Variants in CDH22 observed in about 807,000 individuals in gnomAD.
The protein encoded by CDH22 is cadherin-22.
In CDH22, 30 loss-of-function variants were observed where a neutral mutation model predicts 58.4. The observed-to-expected ratio is 0.51, with a 90% CI of 0.38 to 0.70. CDH22 has a LOEUF of 0.70. Among genes scored for constraint, CDH22 ranks in the 30% least tolerant of loss-of-function variants. The pLI, the probability that CDH22 is intolerant of heterozygous loss-of-function variation, is 0.00. For missense variants in CDH22, 1,014 were observed against 1,233.9 expected, an observed-to-expected ratio of 0.82 and a Z score of 2.67; for synonymous variants, 513 against 558.2, an observed-to-expected ratio of 0.92 and a Z score of 1.14.
rs189864696 is a variant in CDH22, at chr20:46,234,764, T to C, written c.550+6199A>G. Reference sequence around the variant, plus strand: ...AAGGCTGAATGAGATCTTAGACTCCTTCTCAATACAGCCCAACAGTCACTA... The same window carrying C: ...AAGGCTGAATGAGATCTTAGACTCCCTCTCAATACAGCCCAACAGTCACTA... On this transcript the variant is annotated intron_variant, in intron 3 of 11. Transcript: ENST00000537909. 3.3e-5 allele frequency among the ~76,000 whole-genome samples: 5 copies of C among 152,344 alleles called. No individual in the cohort carries two copies. The East Asian group carries it at 7.7e-4, about 23-fold the overall frequency.
In CDH22 at chr20:46,240,960, C is replaced by T; in HGVS notation, c.550+3G>A. 2 of 1,608,742 alleles carry T rather than the reference C, an allele frequency of 1.2e-6. No homozygotes were observed. The highest frequency in any genetic ancestry group is 1.1e-5 in the South Asian group (1 of 90,796). On this transcript the variant is annotated splice_donor_region_variant and intron_variant, in intron 3 of 11. Transcript: ENST00000537909. ...TCCCCCACCCCCAGGGCCCACAGCCCACCTGTAGGTGAGAGCTCGGCCACG... is the reference window on the plus strand; with the variant it reads ...TCCCCCACCCCCAGGGCCCACAGCCTACCTGTAGGTGAGAGCTCGGCCACG...
chr20:46,264,697 G>A (rs1001381806), intron 1 of CDH22, among the ~76,000 whole-genome samples: 5 of 152,080 alleles, frequency 3.3e-5, no homozygotes, highest in South Asian at 4.1e-4. Context: ...ACAGGCCTGC[G>A]TTTGGCTCTC....
chr20:46,183,402 T>A (rs2085802474), intron 10 of CDH22, among the ~76,000 whole-genome samples: 1 of 152,080 alleles, frequency 6.6e-6, no homozygotes, highest in Non-Finnish European at 1.5e-5. Context: ...GGTTGTTAAA[T>A]CTGTTTATTA....
intron 3 of CDH22, among the ~76,000 whole-genome samples, chr20:46,238,567 C>T (rs2086269869): frequency 1.3e-5 from 2 of 152,220 alleles, no homozygotes; most frequent in African/African-American, 4.8e-5. Flanking sequence ...CTCCTAATTT[C>T]CTCTCATCCC....
intron 3 of CDH22, among the ~76,000 whole-genome samples, chr20:46,239,627 G>A (rs1291546580): frequency 1.3e-5 from 2 of 152,282 alleles, no homozygotes; most frequent in Non-Finnish European, 2.9e-5. Context: ...AAGGTCCAGA[G>A]AGGTACAGCA....
intron 3 of CDH22, among the ~76,000 whole-genome samples, chr20:46,234,961 G>A (rs2086243229): frequency 6.6e-6 from 1 of 152,192 alleles, no homozygotes; most frequent in South Asian, 2.1e-4. Context: ...TCCTCTGTGG[G>A]GCTATATATA....
At chr20:46,256,166 G>A (rs1162281230) in intron 1 of CDH22, among the ~76,000 whole-genome samples, 1 of 152,194 alleles carries the variant, frequency 6.6e-6, no homozygotes, top group Admixed American at 6.5e-5. Flanking sequence ...TTTCCACTCT[G>A]TGTTGTTCTA....
At chr20:46,189,577 T>C (rs1367146507) in intron 8 of CDH22, among the ~76,000 whole-genome samples, 1 of 152,192 alleles carries the variant, frequency 6.6e-6, no homozygotes, top group Non-Finnish European at 1.5e-5. Flanking sequence ...GATCCGCTCC[T>C]GGATGCTCAC....
intron 8 of CDH22, among the ~76,000 whole-genome samples, chr20:46,190,725 A>G (rs1476686141): frequency 6.6e-6 from 1 of 152,220 alleles, no homozygotes; most frequent in Admixed American, 6.5e-5. Flanking sequence ...CTGCAGCCTT[A>G]ACCGATTCCT....
At chr20:46,280,398 C>T (rs1031281268) in intron 1 of CDH22, among the ~76,000 whole-genome samples, 4 of 152,252 alleles carry the variant, frequency 2.6e-5, no homozygotes, top group African/African-American at 4.8e-5. Flanking sequence ...CCAGCCTGGG[C>T]GACAGAGTGA....
chr20:46,270,807 T>C (rs1014564198), intron 1 of CDH22, among the ~76,000 whole-genome samples: 9 of 152,170 alleles, frequency 5.9e-5, no homozygotes, highest in South Asian at 2.1e-4. Context: ...TATTTAATGC[T>C]GATGATATTT....
At chr20:46,287,436 G>T (rs2086581306) in intron 1 of CDH22, among the ~76,000 whole-genome samples, 1 of 152,136 alleles carries the variant, frequency 6.6e-6, no homozygotes, top group Admixed American at 6.6e-5. Flanking sequence ...TGGGGCTCTT[G>T]GGAAGGGGTC....
intron 4 of CDH22, among the ~76,000 whole-genome samples, chr20:46,226,263 TTCTTCTTCTTCTTCTTCTTCTTCTTCTTC>T (rs1325466861): frequency 0.085 from 3,591 of 42,096 alleles, 403 homozygotes; most frequent in African/African-American, 0.21. Flanking sequence ...CTTCTTCTTC[TTCTTCTTCTTCTTCTTCTTCTTCTTCTTC>T]TTTTTTTTTT....
At chr20:46,237,806 C>G (rs2145723268) in intron 3 of CDH22, among the ~76,000 whole-genome samples, 1 of 152,328 alleles carries the variant, frequency 6.6e-6, no homozygotes, top group South Asian at 2.1e-4. Context: ...TTCTCTTGGT[C>G]TCAGTTTCCC....
At chr20:46,260,332 A>C (rs76605333) in intron 1 of CDH22, among the ~76,000 whole-genome samples, 2 of 152,170 alleles carry the variant, frequency 1.3e-5, no homozygotes, top group Non-Finnish European at 2.9e-5. Context: ...TTGTGGAACT[A>C]CTGAATTAAG....
At chr20:46,297,246 G>A (rs114931781) in intron 1 of CDH22, among the ~76,000 whole-genome samples, 1,750 of 152,220 alleles carry the variant, frequency 0.011, 36 homozygotes, top group African/African-American at 0.04. Flanking sequence ...GTAGGGATGC[G>A]GGCTCCTTGA....
intron 1 of CDH22, among the ~76,000 whole-genome samples, chr20:46,284,638 A>G (rs2086567756): frequency 6.6e-6 from 1 of 152,140 alleles, no homozygotes; most frequent in Non-Finnish European, 1.5e-5. Context: ...ATCAGTGAGT[A>G]TGCTGGTCCA....
At chr20:46,252,074 G>C (rs6032732) in intron 1 of CDH22, among the ~76,000 whole-genome samples, 64 of 151,388 alleles carry the variant, frequency 4.2e-4, no homozygotes, top group African/African-American at 1.5e-3. Context: ...CCCCACCCTA[G>C]GTGCTTCTAG....
intron 1 of CDH22, among the ~76,000 whole-genome samples, chr20:46,301,205 TTACACACACACACA>T (rs1164125715): frequency 1.3e-5 from 2 of 151,888 alleles, no homozygotes; most frequent in African/African-American, 4.8e-5. Context: ...ATATATAAAT[TTACACACACACACA>T]TACACACACA....
Sources: gnomAD v4.1 joint callset for allele counts (sites outside exome capture counted in the v4.1 genomes callset) on GRCh38, gnomAD v4.1.1 for gene constraint, MANE v1.5 for transcripts, NCBI Gene and HGNC (gene_info 2026-07-23, HGNC 2026-07-21) for gene names.